IGF1R: variants seen among roughly 807,000 people sequenced by gnomAD.
IGF1R encodes insulin-like growth factor 1 receptor.
IGF1R carries 44 observed loss-of-function variants against 144.6 expected under a neutral mutation model. That is an observed-to-expected ratio of 0.30 (90% confidence interval 0.24 to 0.39). The LOEUF is 0.39. Among genes scored for constraint, IGF1R ranks in the 10% least tolerant of loss-of-function variants. The probability of loss-of-function intolerance (pLI) is 1.00; values close to 1 mark genes in which losing one functional copy is unlikely to be tolerated. For synonymous variants in IGF1R, 795 were observed against 722.8 expected, an observed-to-expected ratio of 1.10 and a Z score of -1.60; for missense variants, 1,355 against 1,833.7, an observed-to-expected ratio of 0.74 and a Z score of 4.77.
chr15:98,911,099 A>G (rs2014994046), intron 6 of IGF1R, among the ~76,000 whole-genome samples: 1 of 152,210 alleles, frequency 6.6e-6, no homozygotes, highest in South Asian at 2.1e-4. Context: ...AGCCAGCGTA[A>G]CTGATTGACC....
chr15:98,812,028 T>C (rs969923716), intron 2 of IGF1R, among the ~76,000 whole-genome samples: 5 of 152,256 alleles, frequency 3.3e-5, no homozygotes, highest in Non-Finnish European at 7.3e-5. Flanking sequence ...ATATTTCTAG[T>C]TCTTTTACTT....
chr15:98,701,147 G>A (rs1021991326), intron 1 of IGF1R, among the ~76,000 whole-genome samples: 13 of 152,090 alleles, frequency 8.5e-5, no homozygotes, highest in Non-Finnish European at 1.5e-4. Flanking sequence ...AGACAAAACC[G>A]ACTTCTCACA....
intron 2 of IGF1R, among the ~76,000 whole-genome samples, chr15:98,868,345 G>T (rs866545810): frequency 8.9e-5 from 2 of 22,492 alleles, no homozygotes; most frequent in Admixed American, 4.7e-4. Flanking sequence ...AAAAAAAAAA[G>T]CCAAATCTGT....
intron 7 of IGF1R, 143 bp downstream of exon 7, chr15:98,911,584 A>G (rs1596439110): frequency 1.9e-6 from 2 of 1,035,838 alleles, no homozygotes; most frequent in East Asian, 4.8e-5. Context: ...TCCCTACTTC[A>G]TCCTCATGCA....
chr15:98,784,952 T>C (rs1053419694), intron 2 of IGF1R, among the ~76,000 whole-genome samples: 1 of 152,152 alleles, frequency 6.6e-6, no homozygotes, highest in Non-Finnish European at 1.5e-5. Flanking sequence ...GATGACTGTA[T>C]TTACAACATG....
intron 10 of IGF1R, among the ~76,000 whole-genome samples, chr15:98,918,040 T>C (rs954979984): frequency 6.6e-6 from 1 of 152,196 alleles, no homozygotes; most frequent in Non-Finnish European, 1.5e-5. Context: ...TTTAACACAA[T>C]AAAAAATGTT....
At chr15:98,721,412 C>T (rs957888913) in intron 2 of IGF1R, among the ~76,000 whole-genome samples, 1 of 152,160 alleles carries the variant, frequency 6.6e-6, no homozygotes, top group East Asian at 1.9e-4. Context: ...ATGGGAAGCC[C>T]GTGGAGGAGA....
At chr15:98,939,085 C>T (rs2016266947) in intron 17 of IGF1R, 116 bp from the exon 18 acceptor site, 1 of 826,320 alleles carries the variant, frequency 1.2e-6, no homozygotes, top group Non-Finnish European at 2.0e-6. Context: ...GGTTTCTTAG[C>T]ATAAACAACC....
At chr15:98,717,645 C>CT (rs1325785108) in intron 2 of IGF1R, among the ~76,000 whole-genome samples, 2 of 152,066 alleles carry the variant, frequency 1.3e-5, no homozygotes, top group African/African-American at 4.8e-5. Context: ...TATGTAAACT[C>CT]TATTTATTTG....
intron 2 of IGF1R, among the ~76,000 whole-genome samples, chr15:98,875,604 C>T (rs1322000371): frequency 1.3e-5 from 2 of 151,844 alleles, no homozygotes; most frequent in Non-Finnish European, 1.5e-5. Context: ...TGAAAGATCA[C>T]GTGTGCTTTC....
intron 2 of IGF1R, among the ~76,000 whole-genome samples, chr15:98,772,476 A>T (rs372891133): frequency 1.6e-5 from 1 of 62,526 alleles, no homozygotes; most frequent in Non-Finnish European, 4.1e-5. Flanking sequence ...GTCACTTAAA[A>T]ATTATTATTA....
chr15:98,684,882 A>AC (rs2053285456), intron 1 of IGF1R, among the ~76,000 whole-genome samples: 2 of 144,518 alleles, frequency 1.4e-5, no homozygotes, highest in Admixed American at 6.9e-5. Flanking sequence ...GAGGAGTCTG[A>AC]CCCCACACTG....
chr15:98,693,623 T>C (rs1305471298), intron 1 of IGF1R, among the ~76,000 whole-genome samples: 1 of 152,200 alleles, frequency 6.6e-6, no homozygotes, highest in Non-Finnish European at 1.5e-5. Flanking sequence ...GTTTGTTTTT[T>C]GAGACGGAGT....
chr15:98,780,127 G>A (rs1437335020), intron 2 of IGF1R, among the ~76,000 whole-genome samples: 18 of 149,994 alleles, frequency 1.2e-4, no homozygotes, highest in Non-Finnish European at 1.6e-4. Context: ...ACAAACATTC[G>A]CATTTATTGA....
Position 98,649,482 on chromosome 15 carries a change from T to G in IGF1R, c.-100T>G. On this transcript the variant is annotated 5_prime_UTR_variant, in exon 1 of 21. Transcript: ENST00000650285. Reference sequence around the variant, plus strand: ...TTTTGGAGGGGGAGCGAAGACTGAGTTTGAGACTTGTTTCCTTTCATTTCC... The same window carrying G: ...TTTTGGAGGGGGAGCGAAGACTGAGGTTGAGACTTGTTTCCTTTCATTTCC... 1.2e-6 allele frequency: 1 copy of G among 845,360 alleles called. No homozygotes were observed. The highest frequency in any genetic ancestry group is 1.9e-6 in the Non-Finnish European group (1 of 530,574). The allele number at this position is 845,360 out of a possible 1,614,324, so 52.4% of individuals were successfully genotyped here. A position where few individuals can be genotyped will look rare whatever the true frequency, so the allele number is the denominator to read the frequency against.
chr15:98,750,248 G>T (rs2141332173), intron 2 of IGF1R, among the ~76,000 whole-genome samples: 1 of 152,294 alleles, frequency 6.6e-6, no homozygotes, highest in African/African-American at 2.4e-5. Context: ...TCCCTTGTTG[G>T]GGGGTCCCTT....
chr15:98,863,830 C>T (rs2012288471), intron 2 of IGF1R, among the ~76,000 whole-genome samples: 1 of 152,246 alleles, frequency 6.6e-6, no homozygotes, highest in Non-Finnish European at 1.5e-5. Flanking sequence ...GACTCTGAAG[C>T]ACAGCCCAGA....
At chr15:98,692,577 C>G (rs555744650) in intron 1 of IGF1R, among the ~76,000 whole-genome samples, 1 of 152,260 alleles carries the variant, frequency 6.6e-6, no homozygotes, top group African/African-American at 2.4e-5. Flanking sequence ...ACCCTGGAAA[C>G]CTTATGTAAG....
chr15:98,941,881 C>T (rs1042594369), intron 18 of IGF1R, among the ~76,000 whole-genome samples: 1 of 152,096 alleles, frequency 6.6e-6, no homozygotes, highest in African/African-American at 2.4e-5. Flanking sequence ...GAAGAGTCCA[C>T]TTAAGAAAAG....
Sources: gnomAD v4.1 joint callset for allele counts (sites outside exome capture counted in the v4.1 genomes callset) on GRCh38, gnomAD v4.1.1 for gene constraint, MANE v1.5 for transcripts, NCBI Gene and HGNC (gene_info 2026-07-23, HGNC 2026-07-21) for gene names.